HS6ST3: variants seen among roughly 807,000 people sequenced by gnomAD.
HS6ST3 encodes heparan sulfate 6-O-sulfotransferase 3.
A neutral mutation model predicts 36.7 loss-of-function variants in HS6ST3; 12 were observed. The observed-to-expected ratio is 0.33, with a 90% confidence interval of 0.21 to 0.53. The LOEUF (loss-of-function observed/expected upper bound fraction) is 0.53, where lower values mean the gene tolerates loss of function less well. Among genes scored for constraint, HS6ST3 ranks in the 20% least tolerant of loss-of-function variants. HS6ST3 has a pLI of 0.95. For synonymous variants in HS6ST3, 240 were observed against 257.5 expected (o/e 0.93, Z 0.65); for missense variants, 584 against 640.9 (o/e 0.91, Z 0.96).
intron 1 of HS6ST3, among the ~76,000 whole-genome samples, chr13:96,297,878 C>G (rs1423844424): frequency 6.6e-6 from 1 of 152,148 alleles, no homozygotes; most frequent in Non-Finnish European, 1.5e-5. Context: ...TTATTCCCTA[C>G]AATGCCTAGC....
intron 1 of HS6ST3, among the ~76,000 whole-genome samples, chr13:96,254,586 T>C (rs895217309): frequency 1.3e-5 from 2 of 149,642 alleles, no homozygotes; most frequent in South Asian, 2.1e-4. Flanking sequence ...CCATCTTATT[T>C]CCCAAAAGCC....
At chr13:96,527,466 A>G (rs1306061276) in intron 1 of HS6ST3, among the ~76,000 whole-genome samples, 2 of 152,200 alleles carry the variant, frequency 1.3e-5, no homozygotes, top group African/African-American at 2.4e-5. Context: ...GAAGCAGACA[A>G]TTCACAAATA....
At chr13:96,820,465 A>G (rs1021537069) in intron 1 of HS6ST3, among the ~76,000 whole-genome samples, 100 of 152,322 alleles carry the variant, frequency 6.6e-4, no homozygotes, top group African/African-American at 2.3e-3. Context: ...GAGAAGGGAG[A>G]ACGTTGAAGT....
intron 1 of HS6ST3, among the ~76,000 whole-genome samples, chr13:96,451,723 C>T (rs925805498): frequency 2.0e-5 from 3 of 152,128 alleles, no homozygotes; most frequent in East Asian, 1.9e-4. Context: ...ACTGCTTGTA[C>T]GCTGCAAATT....
chr13:96,140,265 A>G (rs186254725), intron 1 of HS6ST3, among the ~76,000 whole-genome samples: 449 of 152,314 alleles, frequency 2.9e-3, no homozygotes, highest in African/African-American at 0.01. Flanking sequence ...AACTGTATAT[A>G]TATTGTATTA....
chr13:96,400,315 A>G (rs9516683), intron 1 of HS6ST3, among the ~76,000 whole-genome samples: 67,682 of 145,562 alleles, frequency 0.46, 15,301 homozygotes, highest in Middle Eastern at 0.58. Flanking sequence ...AGATACACAC[A>G]CACACACACA....
intron 1 of HS6ST3, among the ~76,000 whole-genome samples, chr13:96,617,290 A>C (rs34742378): frequency 6.6e-6 from 1 of 152,216 alleles, no homozygotes; most frequent in African/African-American, 2.4e-5. Context: ...TGTCCCTTAC[A>C]TGGTAAATCC....
intron 1 of HS6ST3, among the ~76,000 whole-genome samples, chr13:96,326,243 T>C (rs1453665847): frequency 6.6e-6 from 1 of 151,624 alleles, no homozygotes; most frequent in Non-Finnish European, 1.5e-5. Context: ...TAGTTACATA[T>C]GTATACATGT....
At position 96,694,302 on chromosome 13, in the gene HS6ST3, A is replaced by G. The variant is rs997505739; in HGVS notation, c.708-138188A>G. On this transcript the variant is annotated intron_variant, in intron 1 of 1. Coordinates refer to ENST00000376705, the MANE Select transcript of HS6ST3 (RefSeq NM_153456.4). The stretch of plus-strand genomic sequence containing the variant: ...TTCCTGCATTAGTTTGCTAAGGGTA[A>G]TGGCCTCCAGCTGTATCCATGTTCC... 3.3e-5 allele frequency among the ~76,000 whole-genome samples: 5 copies of G among 152,242 alleles called. 1 individual carries two copies. Among genetic ancestry groups the G allele is most frequent in the Middle Eastern group, 6.8e-3 (2 of 294 alleles).
At chr13:96,344,671 A>G (rs946711218) in intron 1 of HS6ST3, among the ~76,000 whole-genome samples, 4 of 152,218 alleles carry the variant, frequency 2.6e-5, no homozygotes, top group East Asian at 1.9e-4. Context: ...ACTGTCCTCT[A>G]TTACAAAGAA....
chr13:96,121,822 A>G (rs931229614), intron 1 of HS6ST3, among the ~76,000 whole-genome samples: 1 of 152,120 alleles, frequency 6.6e-6, no homozygotes, highest in African/African-American at 2.4e-5. Context: ...TTGAAGAGAA[A>G]CTCACAATAT....
rs149792518 is a variant in HS6ST3 at position 96,458,312 on chromosome 13, A to G, written c.707+366743A>G. 2.6e-5 allele frequency among the ~76,000 whole-genome samples: 4 copies of G among 152,294 alleles called. No homozygotes were observed. The East Asian group carries it at 7.7e-4, about 29-fold the overall frequency. On this transcript the variant is annotated intron_variant, in intron 1 of 1. Coordinates refer to ENST00000376705, the MANE Select transcript of HS6ST3 (RefSeq NM_153456.4). ...ATGTAATCATATTGCTAGTTAAAAA[A>G]AAGAGAGAGAGAGAGAAAGACGAAG...
At chr13:96,633,806 C>G (rs1055468489) in intron 1 of HS6ST3, among the ~76,000 whole-genome samples, 9 of 152,106 alleles carry the variant, frequency 5.9e-5, no homozygotes, top group African/African-American at 2.2e-4. Flanking sequence ...CGACATTGTC[C>G]TTGGTTAGAC....
chr13:96,700,922 AG>A (rs1875268798), intron 1 of HS6ST3, among the ~76,000 whole-genome samples: 2 of 152,296 alleles, frequency 1.3e-5, no homozygotes, highest in Middle Eastern at 3.4e-3. Context: ...TACTCATGTC[AG>A]GCAAGGGCAT....
intron 1 of HS6ST3, among the ~76,000 whole-genome samples, chr13:96,155,948 G>A (rs1030368110): frequency 1.3e-5 from 2 of 152,090 alleles, no homozygotes; most frequent in African/African-American, 4.8e-5. Context: ...AAAGGCTCAG[G>A]CACGTGATTT....
At chr13:96,380,537 A>ATTAC (rs2055336036) in intron 1 of HS6ST3, among the ~76,000 whole-genome samples, 1 of 152,122 alleles carries the variant, frequency 6.6e-6, no homozygotes, top group Non-Finnish European at 1.5e-5. Context: ...AAGGGCTGGG[A>ATTAC]TTACAGGTGT....
intron 1 of HS6ST3, among the ~76,000 whole-genome samples, chr13:96,788,493 C>A (rs1364085967): frequency 6.6e-6 from 1 of 151,788 alleles, no homozygotes; most frequent in Admixed American, 6.6e-5. Context: ...CTTTCATCAG[C>A]CTGTAATTTT....
intron 1 of HS6ST3, among the ~76,000 whole-genome samples, chr13:96,239,346 A>G: frequency 6.6e-6 from 1 of 152,208 alleles, no homozygotes; most frequent in Admixed American, 6.5e-5. Context: ...TATGCCTTAG[A>G]GTGTTAATAT....
intron 1 of HS6ST3, among the ~76,000 whole-genome samples, chr13:96,224,512 C>T (rs543395150): frequency 6.4e-4 from 98 of 152,244 alleles, no homozygotes; most frequent in African/African-American, 2.2e-3. Context: ...GACAGGATCT[C>T]ACTATGTTGC....
Sources: gnomAD v4.1 joint callset for allele counts (sites outside exome capture counted in the v4.1 genomes callset) on GRCh38, gnomAD v4.1.1 for gene constraint, MANE v1.5 for transcripts, NCBI Gene and HGNC (gene_info 2026-07-23, HGNC 2026-07-21) for gene names.